Variants in TMEM132D observed in about 807,000 individuals in gnomAD.
TMEM132D encodes mature OL transmembrane protein.
TMEM132D carries 21 observed loss-of-function variants against 62.3 expected under a neutral mutation model. That is an observed-to-expected ratio of 0.34 (90% CI 0.24 to 0.49). The LOEUF is 0.49. TMEM132D is among the 20% of genes least tolerant of loss of function. The probability of loss-of-function intolerance (pLI) is 0.99; values close to 1 mark genes in which losing one functional copy is unlikely to be tolerated. For missense variants in TMEM132D, 1,346 were observed against 1,402.8 expected (o/e 0.96, Z 0.65); for synonymous variants, 621 against 575.6 (o/e 1.08, Z -1.13).
At chr12:129,778,114 CAAAAAAA>C (rs35384142) in intron 1 of TMEM132D, among the ~76,000 whole-genome samples, 3 of 85,362 alleles carry the variant, frequency 3.5e-5, no homozygotes, top group African/African-American at 1.4e-4. Context: ...GACCCTGTCT[CAAAAAAA>C]AAAAAAAAAA....
chr12:129,490,364 T>C (rs1874730969), intron 3 of TMEM132D, among the ~76,000 whole-genome samples: 2 of 151,852 alleles, frequency 1.3e-5, no homozygotes, highest in African/African-American at 4.8e-5. Flanking sequence ...ATGTCTTGTT[T>C]GGCCTTGATG....
chr12:129,814,088 G>A (rs1872272762), intron 1 of TMEM132D, among the ~76,000 whole-genome samples: 1 of 152,118 alleles, frequency 6.6e-6, no homozygotes, highest in South Asian at 2.1e-4. Flanking sequence ...TATGTTAAGT[G>A]AAATAAGCCA....
Position 129,128,956 on chromosome 12 carries a change from T to C in TMEM132D, c.1444-44254A>G, listed in dbSNP as rs185432332. Among the ~76,000 whole-genome samples, 484 of 151,924 alleles carry C rather than the reference T, an allele frequency of 3.2e-3. 3 individuals carry two copies. The highest frequency in any genetic ancestry group is 0.011 in the African/African-American group (466 of 41,438). On this transcript the variant is annotated intron_variant, in intron 5 of 8. Coordinates refer to ENST00000422113, the MANE Select transcript of TMEM132D (RefSeq NM_133448.3). Reference sequence around the variant, plus strand: ...CGTTTTTCATGGCTGCATAGTATTCTCTGGCATATACGCACCACATTTTCT... The same window carrying C: ...CGTTTTTCATGGCTGCATAGTATTCCCTGGCATATACGCACCACATTTTCT...
Position 129,398,701 on chromosome 12 carries a change from C to T in TMEM132D, c.1116-60884G>A, listed in dbSNP as rs762919951. 2.0e-4 allele frequency among the ~76,000 whole-genome samples: 30 copies of T among 152,150 alleles called. 1 individual carries two copies. The highest frequency in any genetic ancestry group is 4.0e-4 in the Non-Finnish European group (27 of 68,032). On this transcript the variant is annotated intron_variant, in intron 3 of 8. Transcript: ENST00000422113. ...GAAGATTGGATGTCCAAATAAAGAT[C>T]TTCTGTTACATCCTAGCCACCAAGC... is the stretch of plus-strand genomic sequence containing the variant.
chr12:129,848,206 A>G (rs1007345626), intron 1 of TMEM132D, among the ~76,000 whole-genome samples: 2 of 152,178 alleles, frequency 1.3e-5, no homozygotes, highest in African/African-American at 4.8e-5. Flanking sequence ...GGTTGGTGCG[A>G]AAGTAATTGC....
At chr12:129,868,052 A>G (rs11060596) in intron 1 of TMEM132D, among the ~76,000 whole-genome samples, 22 of 151,440 alleles carry the variant, frequency 1.5e-4, no homozygotes, top group Middle Eastern at 3.4e-3. Flanking sequence ...CACACATGAG[A>G]CAGCGTTTCT....
At chr12:129,491,186 A>G (rs1300567432) in intron 3 of TMEM132D, among the ~76,000 whole-genome samples, 1 of 152,168 alleles carries the variant, frequency 6.6e-6, no homozygotes, top group Non-Finnish European at 1.5e-5. Flanking sequence ...ATAATTCATG[A>G]TGAGCGCTGA....
intron 4 of TMEM132D, among the ~76,000 whole-genome samples, chr12:129,337,161 G>A (rs79329475): frequency 0.017 from 2,612 of 152,158 alleles, 70 homozygotes; most frequent in African/African-American, 0.06. Flanking sequence ...ACAGAAGAAC[G>A]CTGGTCAATA....
At chr12:129,185,425 G>A (rs557710386) in intron 5 of TMEM132D, among the ~76,000 whole-genome samples, 91 of 152,224 alleles carry the variant, frequency 6.0e-4, no homozygotes, top group African/African-American at 1.4e-3. Context: ...TTAAATTCCC[G>A]ACTAATGTGT....
intron 4 of TMEM132D, among the ~76,000 whole-genome samples, chr12:129,255,652 GT>G (rs1159223652): frequency 4.6e-5 from 7 of 152,074 alleles, no homozygotes; most frequent in Non-Finnish European, 1.0e-4. Flanking sequence ...GACTTTACGT[GT>G]CCTCAACCTT....
In TMEM132D at chr12:129,693,987, T is replaced by A. The variant is rs554770913; in HGVS notation, c.968+5823A>T. Reference sequence around the variant, plus strand: ...AGGGAGTCTCCCTAGTGCCCATCTTTGCTGTCTCATCCTTAGGAGCAGCCT... The same window carrying A: ...AGGGAGTCTCCCTAGTGCCCATCTTAGCTGTCTCATCCTTAGGAGCAGCCT... On this transcript the variant is annotated intron_variant, in intron 2 of 8. Transcript: ENST00000422113. Among the ~76,000 whole-genome samples the A allele has an allele frequency of 3.3e-5, 5 of 152,346 alleles. No homozygotes were observed. In the South Asian group the frequency reaches 8.3e-4, roughly 25 times the overall value.
intron 2 of TMEM132D, among the ~76,000 whole-genome samples, chr12:129,565,257 G>C (rs1877337554): frequency 6.6e-6 from 1 of 152,178 alleles, no homozygotes; most frequent in Admixed American, 6.5e-5. Flanking sequence ...TTGGGAACTA[G>C]GTGGGACAAA....
chr12:129,166,674 C>CAT (rs72366382), intron 5 of TMEM132D, among the ~76,000 whole-genome samples: 2 of 139,258 alleles, frequency 1.4e-5, no homozygotes, highest in South Asian at 4.5e-4. Context: ...TACGCAAGGA[C>CAT]ATATATATAC....
intron 2 of TMEM132D, among the ~76,000 whole-genome samples, chr12:129,635,847 T>C (rs1879463016): frequency 6.6e-6 from 1 of 152,180 alleles, no homozygotes; most frequent in Non-Finnish European, 1.5e-5. Context: ...GCAGCATGAT[T>C]TGATACATTT....
chr12:129,486,337 T>C (rs1330511961), intron 3 of TMEM132D, among the ~76,000 whole-genome samples: 5 of 152,178 alleles, frequency 3.3e-5, no homozygotes, highest in African/African-American at 1.2e-4. Flanking sequence ...CTAACACTTG[T>C]CTCAGGTCTT....
intron 1 of TMEM132D, among the ~76,000 whole-genome samples, chr12:129,787,491 C>T (rs774427458): frequency 1.3e-5 from 2 of 152,174 alleles, no homozygotes; most frequent in Non-Finnish European, 2.9e-5. Context: ...AAACTTCTGT[C>T]TCTTAATCTA....
At chr12:129,184,264 G>A (rs1228525274) in intron 5 of TMEM132D, among the ~76,000 whole-genome samples, 6 of 152,180 alleles carry the variant, frequency 3.9e-5, no homozygotes, top group African/African-American at 1.4e-4. Context: ...TGCTCTCACT[G>A]TCAGAATTCT....
chr12:129,470,692 C>T (rs1874068957), intron 3 of TMEM132D, among the ~76,000 whole-genome samples: 1 of 152,156 alleles, frequency 6.6e-6, no homozygotes, highest in Non-Finnish European at 1.5e-5. Flanking sequence ...AAATTGACAA[C>T]ATGAAAATTA....
intron 5 of TMEM132D, among the ~76,000 whole-genome samples, chr12:129,186,507 C>T (rs1878226341): frequency 6.6e-6 from 1 of 152,182 alleles, no homozygotes; most frequent in African/African-American, 2.4e-5. Flanking sequence ...TTTCACTGGG[C>T]CCCTTTCCTG....
Sources: allele counts gnomAD v4.1 joint callset (sites outside exome capture counted in the v4.1 genomes callset), GRCh38; gene constraint gnomAD v4.1.1; transcripts MANE v1.5; gene names NCBI Gene and HGNC (gene_info 2026-07-23, HGNC 2026-07-21).